Variants in FARP1 observed in about 807,000 individuals in gnomAD.
The protein encoded by FARP1 is FERM, ARH/RhoGEF and pleckstrin domain protein 1, also known as FERM, ARHGEF and pleckstrin domain-containing protein 1.
A neutral mutation model predicts 128.8 loss-of-function variants in FARP1; 52 were observed. The observed-to-expected ratio is 0.40, with a 90% CI of 0.32 to 0.51. The LOEUF is 0.51. Ranked by LOEUF, FARP1 falls within the 20% of genes least tolerant of loss-of-function variation. The pLI is 0.45. For missense variants in FARP1, 1,333 were observed against 1,367.9 expected (o/e 0.97, Z 0.40); for synonymous variants, 580 against 551.8 (o/e 1.05, Z -0.72).
intron 2 of FARP1, among the ~76,000 whole-genome samples, chr13:98,277,277 C>A (rs1358391280): frequency 6.6e-6 from 1 of 152,058 alleles, no homozygotes; most frequent in South Asian, 2.1e-4. Flanking sequence ...CATGGCCTCG[C>A]GTGTAGCTGG....
At chr13:98,343,112 C>T (rs1594424556) in intron 2 of FARP1, among the ~76,000 whole-genome samples, 1 of 152,002 alleles carries the variant, frequency 6.6e-6, no homozygotes, top group South Asian at 2.1e-4. Context: ...CTGTATGAGT[C>T]CTGTATGAGT....
intron 2 of FARP1, among the ~76,000 whole-genome samples, chr13:98,264,940 G>T (rs1213840510): frequency 6.6e-6 from 1 of 152,140 alleles, no homozygotes; most frequent in Non-Finnish European, 1.5e-5. Flanking sequence ...CTGTACCTCT[G>T]ACATGGTTAC....
chr13:98,313,291 T>C (rs1363502609), intron 2 of FARP1, among the ~76,000 whole-genome samples: 1 of 128,540 alleles, frequency 7.8e-6, no homozygotes, highest in Non-Finnish European at 1.6e-5. Flanking sequence ...ATCGGGTGGG[T>C]CATAATCCTC....
chr13:98,392,323 C>CAAAAAAA (rs11289484), intron 11 of FARP1, among the ~76,000 whole-genome samples: 64 of 60,418 alleles, frequency 1.1e-3, no homozygotes, highest in African/African-American at 4.2e-3. Context: ...CATCTCTACC[C>CAAAAAAA]AAAAAAAAAA....
In FARP1 at chr13:98,348,238, C is replaced by G. The variant is rs117916859; in HGVS notation, c.276+4372C>G. 2.7e-3 allele frequency among the ~76,000 whole-genome samples: 409 copies of G among 152,334 alleles called. 2 individuals carry two copies. The highest frequency in any genetic ancestry group is 4.0e-3 in the Non-Finnish European group (270 of 68,026). On this transcript the variant is annotated intron_variant, in intron 3 of 26. Coordinates refer to ENST00000319562, the MANE Select transcript of FARP1 (RefSeq NM_005766.4). ...GCTTGGCCTGCTCTTGCCCTTGGCT[C>G]TTGTCCTGCTCTTGCTCTTGTCCAG...
intron 1 of FARP1, among the ~76,000 whole-genome samples, chr13:98,174,396 C>T (rs1354533939): frequency 6.6e-6 from 1 of 152,118 alleles, no homozygotes; most frequent in African/African-American, 2.4e-5. Flanking sequence ...CTCGAGTGAG[C>T]CTTGGGAGAA....
At chr13:98,305,866 T>TA (rs1396971263) in intron 2 of FARP1, among the ~76,000 whole-genome samples, 6 of 152,014 alleles carry the variant, frequency 3.9e-5, no homozygotes, top group African/African-American at 1.4e-4. Context: ...TTTCCCTTTT[T>TA]TTTTTCTTGC....
At chr13:98,334,697 A>G (rs1887669185) in intron 2 of FARP1, among the ~76,000 whole-genome samples, 2 of 152,178 alleles carry the variant, frequency 1.3e-5, no homozygotes, top group African/African-American at 4.8e-5. Context: ...ACACTAATTA[A>G]GGTAAAATGA....
chr13:98,234,784 T>C (rs1022346093), intron 2 of FARP1: 1 of 152,224 alleles, frequency 6.6e-6, no homozygotes, highest in African/African-American at 2.4e-5. Flanking sequence ...TATCTAAATA[T>C]GACACAACAG....
At chr13:98,405,842 T>C (rs562131551) in intron 13 of FARP1, 4 of 152,348 alleles carry the variant, frequency 2.6e-5, no homozygotes, top group Admixed American at 6.5e-5. Flanking sequence ...ATTGATAATT[T>C]CATGGAGTAG....
chr13:98,341,527 G>C (rs913288325), intron 2 of FARP1, among the ~76,000 whole-genome samples: 4 of 152,186 alleles, frequency 2.6e-5, no homozygotes, highest in African/African-American at 9.7e-5. Context: ...AGCTACCTGG[G>C]AAGCTGAGGC....
Position 98,452,946 on chromosome 13 carries a change from A to C in FARP1, c.*4629A>C, listed in dbSNP as rs1893266243. The C allele has an allele frequency of 2.3e-6, 1 of 444,432 alleles. No homozygotes were observed. The highest frequency in any genetic ancestry group is 4.0e-6 in the Non-Finnish European group (1 of 252,460). The allele number at this position is 444,432 out of a possible 1,614,324, so 27.5% of individuals were successfully genotyped here. Reference sequence around the variant, plus strand: ...AAAAACAAAAGTAATAAAATAAAATAAAATGATCGCTGGAAGGAGCTGACC... The same window carrying C: ...AAAAACAAAAGTAATAAAATAAAATCAAATGATCGCTGGAAGGAGCTGACC... On this transcript the variant is annotated 3_prime_UTR_variant, in exon 27 of 27. Coordinates refer to ENST00000319562, the MANE Select transcript of FARP1 (RefSeq NM_005766.4).
At chr13:98,149,729 CTTTTTTTTTTTTTT>C (rs71120307) in intron 1 of FARP1, among the ~76,000 whole-genome samples, 1 of 52,382 alleles carries the variant, frequency 1.9e-5, no homozygotes, top group Non-Finnish European at 3.4e-5. Flanking sequence ...TAGATATTTA[CTTTTTTTTTTTTTT>C]TTTTTTTTTT....
Position 98,312,135 on chromosome 13 carries a change from CTT to C in FARP1, c.172-31609_172-31608del, listed in dbSNP as rs60890411. 6.2e-4 allele frequency among the ~76,000 whole-genome samples: 53 copies of C among 86,118 alleles called. No individual in the cohort carries two copies. In the East Asian group the frequency reaches 7.8e-3, roughly 13 times the overall value. 56.5% of individuals were successfully genotyped at this position (86,118 alleles called of 152,430 possible). A position where few individuals can be genotyped will look rare whatever the true frequency, so the allele number is the denominator to read the frequency against. On this transcript the variant is annotated intron_variant, in intron 2 of 26. Transcript: ENST00000319562. ...GTGCTGGGATTGCAGGTGGTAACTGCTTTTTTTTTTTTTTTTTTTCTTTGAGA... is the reference window on the plus strand; with the variant it reads ...GTGCTGGGATTGCAGGTGGTAACTGCTTTTTTTTTTTTTTTTTCTTTGAGA...
chr13:98,234,956 T>A (rs1453798737), intron 2 of FARP1, among the ~76,000 whole-genome samples: 2 of 152,230 alleles, frequency 1.3e-5, no homozygotes, highest in East Asian at 3.8e-4. Context: ...GTTAGTAACA[T>A]CTTTTAATTC....
chr13:98,283,333 G>C (rs1740617208), intron 2 of FARP1, among the ~76,000 whole-genome samples: 1 of 152,150 alleles, frequency 6.6e-6, no homozygotes, highest in Non-Finnish European at 1.5e-5. Context: ...AAATTACTTG[G>C]GTTTTGTCTT....
At chr13:98,148,552 G>A (rs1364117339) in intron 1 of FARP1, among the ~76,000 whole-genome samples, 1 of 152,170 alleles carries the variant, frequency 6.6e-6, no homozygotes, top group Non-Finnish European at 1.5e-5. Flanking sequence ...GTACTTGTCT[G>A]TAAATTTAAT....
intron 18 of FARP1, 69 bp from the exon 19 acceptor site, chr13:98,435,507 T>G: frequency 1.3e-6 from 2 of 1,522,558 alleles, no homozygotes; most frequent in Non-Finnish European, 1.8e-6. Flanking sequence ...AGCGTTGAGC[T>G]GACAGCTGCT....
chr13:98,205,092 C>G (rs1427104292), intron 1 of FARP1, among the ~76,000 whole-genome samples: 6 of 152,014 alleles, frequency 3.9e-5, no homozygotes, highest in African/African-American at 1.2e-4. Flanking sequence ...AAATTTTGTC[C>G]CCTCATACTT....
Sources: gnomAD v4.1 joint callset for allele counts (sites outside exome capture counted in the v4.1 genomes callset) on GRCh38, gnomAD v4.1.1 for gene constraint, MANE v1.5 for transcripts, NCBI Gene and HGNC (gene_info 2026-07-23, HGNC 2026-07-21) for gene names.